GLIS3: variants seen among roughly 807,000 people sequenced by gnomAD.
The protein encoded by GLIS3 is zinc finger protein GLIS3.
GLIS3 carries 53 observed loss-of-function variants against 78.6 expected under a neutral mutation model. The ratio of observed to expected loss-of-function variants is 0.67; its 90% CI spans 0.54 to 0.85. The LOEUF (loss-of-function observed/expected upper bound fraction) is 0.85, where lower values mean the gene tolerates loss of function less well. Among genes scored for constraint, GLIS3 ranks in the 40% least tolerant of loss-of-function variants. The pLI, the probability that GLIS3 is intolerant of heterozygous loss-of-function variation, is 0.00. For missense variants in GLIS3, 1,703 were observed against 1,231.1 expected (o/e 1.38, Z -5.74); for synonymous variants, 684 against 509.9 (o/e 1.34, Z -4.60).
chr9:4,053,396 C>T (rs1003438845), intron 4 of GLIS3, among the ~76,000 whole-genome samples: 5 of 152,098 alleles, frequency 3.3e-5, no homozygotes, highest in Non-Finnish European at 5.9e-5. Flanking sequence ...GCTCCTCCTC[C>T]CACCCCAGGC....
the GLIS3 span, among the ~76,000 whole-genome samples, chr9:4,392,799 C>T: frequency 1.3e-5 from 2 of 152,138 alleles, no homozygotes; most frequent in African/African-American, 4.8e-5. Context: ...GTCAATCCTA[C>T]AGGTCCTTAT....
intron 2 of GLIS3, among the ~76,000 whole-genome samples, chr9:4,253,982 G>A (rs1379463709): frequency 6.6e-6 from 1 of 152,152 alleles, no homozygotes; most frequent in African/African-American, 2.4e-5. Context: ...TACCTCAGTT[G>A]GAAATGCAAA....
At chr9:4,081,134 C>T (rs2130698922) in intron 4 of GLIS3, 1 of 152,282 alleles carries the variant, frequency 6.6e-6, no homozygotes, top group South Asian at 2.1e-4. Context: ...TCAGTGCAGG[C>T]CAGGCACTCA....
At chr9:4,213,927 C>CA (rs56146504) in intron 2 of GLIS3, among the ~76,000 whole-genome samples, 109 of 138,242 alleles carry the variant, frequency 7.9e-4, no homozygotes, top group Middle Eastern at 3.7e-3. Flanking sequence ...AACACAGAAG[C>CA]AAAAAAAAAA....
At chr9:3,836,469 C>T (rs1319309519) in intron 9 of GLIS3, among the ~76,000 whole-genome samples, 3 of 152,178 alleles carry the variant, frequency 2.0e-5, no homozygotes, top group East Asian at 1.9e-4. Flanking sequence ...CAAACCAGGA[C>T]CCCAAGGACA....
At chr9:4,364,329 T>A in the GLIS3 span, among the ~76,000 whole-genome samples, 1 of 152,232 alleles carries the variant, frequency 6.6e-6, no homozygotes, top group African/African-American at 2.4e-5. Flanking sequence ...AATTCCTTCT[T>A]CAGAAACAGT....
rs569240363 is a variant in GLIS3, at chr9:3,825,711, C to T, written c.*2561G>A. 3.3e-5 allele frequency: 5 copies of T among 152,270 alleles called. No homozygotes were observed. Among genetic ancestry groups the T allele is most frequent in the South Asian group, 2.1e-4 (1 of 4,824 alleles). The allele number at this position is 152,270 out of a possible 1,614,324, so 9.4% of individuals were successfully genotyped here. ...AAATTTTAAGGTCAGGAAAGACTCT[C>T]GAATCTAAGCATAGTGTGTGTAGTC... On this transcript the variant is annotated 3_prime_UTR_variant, in exon 11 of 11. Transcript: ENST00000381971.
intron 2 of GLIS3, among the ~76,000 whole-genome samples, chr9:4,126,442 T>C (rs1832587814): frequency 6.6e-6 from 1 of 152,160 alleles, no homozygotes; most frequent in Non-Finnish European, 1.5e-5. Context: ...TGATTTTTTT[T>C]CTCCTCATCT....
chr9:4,485,557 G>A, the GLIS3 span, among the ~76,000 whole-genome samples: 1,210 of 152,264 alleles, frequency 7.9e-3, 15 homozygotes, highest in African/African-American at 0.028. Flanking sequence ...GCTGATTTGA[G>A]TAATAACTTC....
rs114059530 is a variant in GLIS3, at chr9:4,109,473, C to G, written c.1710+8295G>C. ...ATTTACGTGTTTCCCTAGCTGATCA[C>G]TTGGCATAAGATAAATGTGTGTTTC... On this transcript the variant is annotated intron_variant, in intron 4 of 10. Transcript: ENST00000381971. Among the ~76,000 whole-genome samples the G allele has an allele frequency of 4.0e-3, 602 of 152,288 alleles. 6 individuals carry two copies. The highest frequency in any genetic ancestry group is 0.014 in the African/African-American group (583 of 41,564).
chr9:4,395,019 G>A, the GLIS3 span, among the ~76,000 whole-genome samples: 1 of 152,124 alleles, frequency 6.6e-6, no homozygotes, highest in African/African-American at 2.4e-5. Flanking sequence ...TAAAAATTCG[G>A]AACCACGAAT....
At chr9:4,399,300 T>A in the GLIS3 span, among the ~76,000 whole-genome samples, 1 of 152,170 alleles carries the variant, frequency 6.6e-6, no homozygotes, top group Admixed American at 6.5e-5. Flanking sequence ...TTGGGGTAAA[T>A]AGTGATTTAT....
At chr9:4,220,256 G>C (rs971922550) in intron 2 of GLIS3, among the ~76,000 whole-genome samples, 42 of 152,150 alleles carry the variant, frequency 2.8e-4, no homozygotes, top group South Asian at 4.1e-4. Flanking sequence ...AAGAATGATG[G>C]AGTTAGAAAA....
intron 2 of GLIS3, among the ~76,000 whole-genome samples, chr9:4,207,701 G>C (rs1487430852): frequency 6.6e-6 from 1 of 152,174 alleles, no homozygotes; most frequent in Non-Finnish European, 1.5e-5. Context: ...GCAGGAGAGA[G>C]AGGATATACT....
the GLIS3 span, among the ~76,000 whole-genome samples, chr9:4,459,778 T>C: frequency 1.3e-4 from 20 of 151,530 alleles, no homozygotes; most frequent in African/African-American, 4.4e-4. Flanking sequence ...CACTGCACTC[T>C]AGACTGGGCA....
chr9:4,332,277 G>A (rs75423107), intron 2 of GLIS3, among the ~76,000 whole-genome samples: 3,424 of 152,222 alleles, frequency 0.022, 124 homozygotes, highest in African/African-American at 0.077. Flanking sequence ...CCAGGTCCAG[G>A]TGTAGAATTG....
chr9:4,258,025 A>G (rs1158296812), intron 2 of GLIS3, among the ~76,000 whole-genome samples: 2 of 152,222 alleles, frequency 1.3e-5, no homozygotes, highest in Non-Finnish European at 2.9e-5. Context: ...TCAAAACAAT[A>G]CTGTAGGCAT....
At chr9:4,372,207 A>G in the GLIS3 span, among the ~76,000 whole-genome samples, 14 of 152,186 alleles carry the variant, frequency 9.2e-5, no homozygotes, top group African/African-American at 3.4e-4. Flanking sequence ...TCATGTATGT[A>G]CCACCCGTGC....
chr9:3,968,602 G>A (rs1818139590), intron 4 of GLIS3, among the ~76,000 whole-genome samples: 1 of 151,832 alleles, frequency 6.6e-6, no homozygotes, highest in Non-Finnish European at 1.5e-5. Context: ...CATAGGTAAG[G>A]TTTTTTTCAC....
Sources: gnomAD v4.1 joint callset for allele counts (sites outside exome capture counted in the v4.1 genomes callset) on GRCh38, gnomAD v4.1.1 for gene constraint, MANE v1.5 for transcripts, NCBI Gene and HGNC (gene_info 2026-07-23, HGNC 2026-07-21) for gene names.